The following CDC42BPA variants were observed in gnomAD, a reference collection of about 807,000 sequenced individuals.
CDC42BPA encodes the protein serine/threonine-protein kinase MRCK alpha.
CDC42BPA carries 80 observed loss-of-function variants against 223.5 expected under a neutral mutation model. The observed-to-expected ratio is 0.36, with a 90% CI of 0.30 to 0.43. The LOEUF (loss-of-function observed/expected upper bound fraction) is 0.43, where lower values mean the gene tolerates loss of function less well. Among genes scored for constraint, CDC42BPA ranks in the 20% least tolerant of loss-of-function variants. CDC42BPA has a pLI of 1.00. For synonymous variants in CDC42BPA, 694 were observed against 718.6 expected, an observed-to-expected ratio of 0.97 and a Z score of 0.55; for missense variants, 1,743 against 2,099.9, an observed-to-expected ratio of 0.83 and a Z score of 3.32.
At chr1:227,091,174 T>C (rs987265956) in intron 16 of CDC42BPA, among the ~76,000 whole-genome samples, 2 of 152,192 alleles carry the variant, frequency 1.3e-5, no homozygotes, top group African/African-American at 2.4e-5. Context: ...CCTGAACTTA[T>C]TAGCCATCCG....
intron 5 of CDC42BPA, among the ~76,000 whole-genome samples, chr1:227,190,634 C>G (rs1558716655): frequency 1.3e-5 from 2 of 152,126 alleles, no homozygotes; most frequent in African/African-American, 2.4e-5. Flanking sequence ...CAACTGAAAC[C>G]TTTTCAAAAG....
At chr1:227,301,651 C>A (rs577601038) in intron 1 of CDC42BPA, among the ~76,000 whole-genome samples, 1 of 152,282 alleles carries the variant, frequency 6.6e-6, no homozygotes. Context: ...AGCCACTGTG[C>A]CCAGCCGGAT....
At chr1:227,224,062 T>C (rs1676407036) in intron 2 of CDC42BPA, among the ~76,000 whole-genome samples, 3 of 152,220 alleles carry the variant, frequency 2.0e-5, no homozygotes, top group Admixed American at 1.3e-4. Flanking sequence ...CATAACACTT[T>C]CAAAAGACAG....
At chr1:227,000,327 G>C (rs1572159090) in intron 35 of CDC42BPA, among the ~76,000 whole-genome samples, 1 of 152,186 alleles carries the variant, frequency 6.6e-6, no homozygotes, top group African/African-American at 2.4e-5. Context: ...TGTCTCCTTA[G>C]ATTACGAGCT....
intron 11 of CDC42BPA, among the ~76,000 whole-genome samples, chr1:227,125,602 TAA>T (rs78634914): frequency 0.17 from 20,473 of 117,432 alleles, 2,004 homozygotes; most frequent in Non-Finnish European, 0.24. Context: ...GTCTACAAAT[TAA>T]AAAAAAAAAA....
chr1:227,015,409 T>C (rs1326242073), intron 34 of CDC42BPA, among the ~76,000 whole-genome samples: 4 of 149,690 alleles, frequency 2.7e-5, no homozygotes, highest in Non-Finnish European at 4.5e-5. Context: ...GGTGATAGAA[T>C]GAGACTCCAT....
chr1:227,101,098 T>C lies in CDC42BPA; in HGVS notation c.2143A>G (p.Ile715Val), dbSNP rs1183529697. ...TGCAGTTCTTTCTTAAGATTTTTTATTTCATTTGCATGTATTCCTTCTCTT... is the reference window on the plus strand; with the variant it reads ...TGCAGTTCTTTCTTAAGATTTTTTACTTCATTTGCATGTATTCCTTCTCTT... Reference protein sequence around the residue: ...SKREGIHANEIKNLKKELHDS... With the variant: ...SKREGIHANEVKNLKKELHDS... The change falls in exon 15 of 37, where the codon ATA (isoleucine) becomes GTA (valine). Residue 715 changes from isoleucine (I) to valine (V), a missense_variant. Physicochemically the swap from Ile to Val is conservative, Grantham distance 29. Transcript: ENST00000366766. 3.2e-6 allele frequency: 5 copies of C among 1,572,808 alleles called. No homozygotes were observed. The highest frequency in any genetic ancestry group is 3.5e-6 in the Non-Finnish European group (4 of 1,143,174).
At chr1:227,284,654 CCTAA>C (rs1430449274) in intron 1 of CDC42BPA, among the ~76,000 whole-genome samples, 2 of 152,090 alleles carry the variant, frequency 1.3e-5, no homozygotes, top group East Asian at 1.9e-4. Flanking sequence ...CCCAAGTTCC[CCTAA>C]CTGTTAGAAA....
intron 2 of CDC42BPA, among the ~76,000 whole-genome samples, chr1:227,236,904 G>T (rs966565977): frequency 1.3e-5 from 2 of 152,058 alleles, no homozygotes; most frequent in African/African-American, 4.8e-5. Context: ...TTAGCCAGTT[G>T]TGGTGACACA....
At chr1:227,116,516 CTAT>C (rs1572902042) in intron 12 of CDC42BPA, among the ~76,000 whole-genome samples, 1 of 152,150 alleles carries the variant, frequency 6.6e-6, no homozygotes, top group Non-Finnish European at 1.5e-5. Flanking sequence ...GGGATGCCTG[CTAT>C]TATCATTTCT....
At chr1:227,060,838 C>CA (rs1675771063) in intron 21 of CDC42BPA, among the ~76,000 whole-genome samples, 1 of 150,588 alleles carries the variant, frequency 6.6e-6, no homozygotes, top group Non-Finnish European at 1.5e-5. Context: ...TCTCCTCCCT[C>CA]AGACTCCCGA....
chr1:227,132,521 A>T (rs1657376431), intron 10 of CDC42BPA, among the ~76,000 whole-genome samples: 1 of 137,972 alleles, frequency 7.2e-6, no homozygotes, highest in African/African-American at 2.8e-5. Context: ...CCTCCCAAAG[A>T]GCCGAGATTG....
At chr1:227,030,562 T>A in intron 28 of CDC42BPA, 92 bp from the exon 29 acceptor site, 1 of 747,132 alleles carries the variant, frequency 1.3e-6, no homozygotes, top group African/African-American at 1.8e-5. Context: ...GTGCAAAAAA[T>A]GGAAATAAAA....
At chr1:227,304,499 T>C (rs1352191606) in intron 1 of CDC42BPA, among the ~76,000 whole-genome samples, 2 of 152,092 alleles carry the variant, frequency 1.3e-5, no homozygotes, top group African/African-American at 2.4e-5. Context: ...AGGAAAAAAT[T>C]ACTTTGAAAT....
chr1:227,276,889 G>C (rs945407627), intron 1 of CDC42BPA, among the ~76,000 whole-genome samples: 1 of 151,918 alleles, frequency 6.6e-6, no homozygotes, highest in African/African-American at 2.4e-5. Flanking sequence ...TGCTCGTTAA[G>C]AGTCATCACC....
chr1:227,208,248 G>C (rs1673186309), intron 3 of CDC42BPA, among the ~76,000 whole-genome samples: 1 of 151,464 alleles, frequency 6.6e-6, no homozygotes, highest in Non-Finnish European at 1.5e-5. Context: ...GTTCATTGTA[G>C]ATTCTGGATA....
At chr1:227,272,909 T>C (rs1448086422) in intron 1 of CDC42BPA, among the ~76,000 whole-genome samples, 3 of 152,332 alleles carry the variant, frequency 2.0e-5, no homozygotes, top group African/African-American at 4.8e-5. Flanking sequence ...ACTTAACCTA[T>C]CTAATTCTCC....
chr1:227,119,290 T>C (rs1032456004), intron 12 of CDC42BPA, among the ~76,000 whole-genome samples: 4 of 152,126 alleles, frequency 2.6e-5, no homozygotes, highest in African/African-American at 9.6e-5. Flanking sequence ...ATAAATTTTT[T>C]TGATGTTTAA....
intron 7 of CDC42BPA, 56 bp downstream of exon 7, chr1:227,147,303 T>C: frequency 7.9e-7 from 1 of 1,264,194 alleles, no homozygotes; most frequent in Non-Finnish European, 1.1e-6. Flanking sequence ...TTAAAAATGG[T>C]TTTATTATAT....
Sources: allele counts gnomAD v4.1 joint callset (sites outside exome capture counted in the v4.1 genomes callset), GRCh38; gene constraint gnomAD v4.1.1; transcripts MANE v1.5; gene names NCBI Gene and HGNC (gene_info 2026-07-23, HGNC 2026-07-21).